DOCK1: variants seen among roughly 807,000 people sequenced by gnomAD.
DOCK1 encodes dedicator of cytokinesis protein 1.
Under a neutral mutation model 262.7 loss-of-function variants are expected in DOCK1, and 138 were observed. The observed-to-expected ratio is 0.53, with a 90% CI of 0.46 to 0.61. The LOEUF is 0.61. DOCK1 is among the 20% of genes least tolerant of loss of function. The pLI, the probability that DOCK1 is intolerant of heterozygous loss-of-function variation, is 0.00. For synonymous variants in DOCK1, 866 were observed against 867.4 expected (o/e 1.00, Z 0.03); for missense variants, 1,908 against 2,370.7 (o/e 0.80, Z 4.05).
At chr10:127,000,975 G>A (rs1455869462) in intron 10 of DOCK1, 1 of 152,938 alleles carries the variant, frequency 6.5e-6, no homozygotes, top group East Asian at 1.9e-4. Flanking sequence ...CACGAGGAAT[G>A]TGAAAGACCA....
intron 29 of DOCK1, among the ~76,000 whole-genome samples, chr10:127,332,366 G>A (rs1255426390): frequency 6.6e-6 from 1 of 152,158 alleles, no homozygotes; most frequent in Non-Finnish European, 1.5e-5. Flanking sequence ...ATTTGAAAAA[G>A]AAAAGAAAGG....
intron 12 of DOCK1, chr10:127,013,500 G>A (rs1057147513): frequency 1.3e-5 from 2 of 152,190 alleles, no homozygotes; most frequent in East Asian, 1.9e-4. Flanking sequence ...TGCAGTCATC[G>A]GAGTTTTGAT....
At chr10:126,913,570 C>T (rs2032122204) in intron 1 of DOCK1, among the ~76,000 whole-genome samples, 1 of 152,132 alleles carries the variant, frequency 6.6e-6, no homozygotes. Flanking sequence ...GGGCTTGGCT[C>T]GTGACAAATA....
chr10:127,064,783 T>A (rs1198527559), intron 23 of DOCK1, among the ~76,000 whole-genome samples: 1 of 152,224 alleles, frequency 6.6e-6, no homozygotes, highest in Admixed American at 6.5e-5. Flanking sequence ...CATTTCTAAG[T>A]GTCCCGTTCA....
At chr10:127,225,090 C>T (rs2058586496) in intron 27 of DOCK1, among the ~76,000 whole-genome samples, 1 of 152,160 alleles carries the variant, frequency 6.6e-6, no homozygotes, top group Admixed American at 6.5e-5. Context: ...TCTCTTCCTG[C>T]CAGGAAACCT....
intron 23 of DOCK1, among the ~76,000 whole-genome samples, chr10:127,087,215 A>G (rs973369025): frequency 6.6e-6 from 1 of 152,210 alleles, no homozygotes; most frequent in African/African-American, 2.4e-5. Flanking sequence ...CTGAATTCAA[A>G]CTATACTTGG....
chr10:127,389,158 C>T (rs961931177), intron 38 of DOCK1, among the ~76,000 whole-genome samples: 18 of 152,288 alleles, frequency 1.2e-4, no homozygotes, highest in Middle Eastern at 3.4e-3. Context: ...CCCGTGACTG[C>T]GATGTGGGGA....
At chr10:127,122,364 T>G (rs922948540) in intron 25 of DOCK1, among the ~76,000 whole-genome samples, 1 of 152,144 alleles carries the variant, frequency 6.6e-6, no homozygotes, top group Non-Finnish European at 1.5e-5. Flanking sequence ...AGAGCCTCGT[T>G]GCCAGCCTGG....
intron 27 of DOCK1, among the ~76,000 whole-genome samples, chr10:127,139,272 G>A (rs2050997387): frequency 6.6e-6 from 1 of 152,104 alleles, no homozygotes; most frequent in Non-Finnish European, 1.5e-5. Context: ...GACAGAAACA[G>A]CCAAGCTATA....
intron 23 of DOCK1, among the ~76,000 whole-genome samples, chr10:127,104,849 C>T (rs949094500): frequency 5.9e-5 from 9 of 152,202 alleles, no homozygotes; most frequent in Non-Finnish European, 1.2e-4. Context: ...TAGTTCAGTA[C>T]TAGCTTTGTG....
chr10:127,053,486 A>G (rs1202195455), intron 22 of DOCK1, among the ~76,000 whole-genome samples: 1 of 152,212 alleles, frequency 6.6e-6, no homozygotes, highest in Non-Finnish European at 1.5e-5. Flanking sequence ...TACATAGGGT[A>G]TTTCCGTGAG....
chr10:127,063,387 T>C (rs2045661485), intron 23 of DOCK1, among the ~76,000 whole-genome samples: 1 of 152,130 alleles, frequency 6.6e-6, no homozygotes, highest in Admixed American at 6.5e-5. Flanking sequence ...TAAGTAGACA[T>C]GAATCAAGTC....
intron 29 of DOCK1, among the ~76,000 whole-genome samples, chr10:127,302,586 G>C (rs1789294255): frequency 6.6e-6 from 1 of 152,170 alleles, no homozygotes; most frequent in African/African-American, 2.4e-5. Context: ...AGAAATCGTA[G>C]CTCAGGAAGT....
chr10:127,405,392 T>A (rs2067460055), intron 40 of DOCK1, among the ~76,000 whole-genome samples: 2 of 152,216 alleles, frequency 1.3e-5, no homozygotes, highest in Admixed American at 1.3e-4. Context: ...GAACACATTC[T>A]TTGGATGCCA....
intron 51 of DOCK1, 106 bp downstream of exon 51, chr10:127,447,651 A>G: frequency 2.0e-6 from 3 of 1,480,994 alleles, no homozygotes; most frequent in Non-Finnish European, 2.7e-6. Flanking sequence ...TAGTGAGCAC[A>G]TGAGGAAAAC....
chr10:126,998,078 C>T lies in DOCK1; in HGVS notation c.610-14C>T. ...TGTTGCTGGGGTTGACTTTCTGTTT[C>T]CTTCCATACACAGTCTCAAAAGCAG... is the stretch of plus-strand genomic sequence containing the variant. On this transcript the variant is annotated splice_polypyrimidine_tract_variant and intron_variant, in intron 7 of 51. Transcript: ENST00000623213. The T allele has an allele frequency of 6.2e-7, 1 of 1,613,612 alleles. No individual in the cohort carries two copies. Among genetic ancestry groups the T allele is most frequent in the South Asian group, 1.1e-5 (1 of 91,016 alleles).
chr10:126,968,050 A>G (rs1036957343), intron 1 of DOCK1, among the ~76,000 whole-genome samples: 10 of 152,096 alleles, frequency 6.6e-5, no homozygotes, highest in Non-Finnish European at 1.3e-4. Flanking sequence ...TCCTGGCCTC[A>G]AGTGATCTGC....
chr10:127,109,120 T>C lies in DOCK1; in HGVS notation c.2517-1128T>C, dbSNP rs996401534. On this transcript the variant is annotated intron_variant, in intron 24 of 51. Coordinates refer to ENST00000623213, the MANE Select transcript of DOCK1 (RefSeq NM_001290223.2). ...TGGCATTACTTGGTTTTGCATTTTCTTAAAGGATTTTCAGTAGATTTTATC... is the reference window on the plus strand; with the variant it reads ...TGGCATTACTTGGTTTTGCATTTTCCTAAAGGATTTTCAGTAGATTTTATC... Among the ~76,000 whole-genome samples the C allele has an allele frequency of 3.3e-5, 5 of 152,266 alleles. No homozygotes were observed. In the South Asian group the frequency reaches 8.3e-4, roughly 25 times the overall value.
At chr10:126,940,977 A>G (rs2034936829) in intron 1 of DOCK1, among the ~76,000 whole-genome samples, 1 of 152,230 alleles carries the variant, frequency 6.6e-6, no homozygotes, top group Non-Finnish European at 1.5e-5. Context: ...GAATCCATAT[A>G]TATGAGAAAG....
Sources: gnomAD v4.1 joint callset for allele counts (sites outside exome capture counted in the v4.1 genomes callset) on GRCh38, gnomAD v4.1.1 for gene constraint, MANE v1.5 for transcripts, NCBI Gene and HGNC (gene_info 2026-07-23, HGNC 2026-07-21) for gene names.